Variants in DPYD observed in about 807,000 individuals in gnomAD.
DPYD encodes the protein dihydropyrimidine dehydrogenase.
A neutral mutation model predicts 116.2 loss-of-function variants in DPYD; 109 were observed. The observed-to-expected ratio is 0.94, with a 90% confidence interval of 0.80 to 1.10. DPYD has a LOEUF of 1.10. Ranked by LOEUF, DPYD falls within the 50% of genes least tolerant of loss-of-function variation. DPYD has a pLI of 0.00. For missense variants in DPYD, 1,302 were observed against 1,254.5 expected (o/e 1.04, Z -0.57); for synonymous variants, 440 against 432.0 (o/e 1.02, Z -0.23).
At chr1:97,487,838 T>C (rs965790706) in intron 13 of DPYD, among the ~76,000 whole-genome samples, 4 of 152,230 alleles carry the variant, frequency 2.6e-5, no homozygotes, top group African/African-American at 7.2e-5. Flanking sequence ...TATAAAATGT[T>C]ACAGCCATTC....
intron 3 of DPYD, among the ~76,000 whole-genome samples, chr1:97,827,461 T>C (rs1571425671): frequency 6.6e-6 from 1 of 152,074 alleles, no homozygotes; most frequent in African/African-American, 2.4e-5. Flanking sequence ...ATAAAAAGCC[T>C]TTCTTGATTC....
chr1:97,920,773 C>G (rs1674476723), intron 1 of DPYD, 111 bp downstream of exon 1: 2 of 1,441,562 alleles, frequency 1.4e-6, no homozygotes, highest in Non-Finnish European at 9.5e-7. Context: ...GAAACTTTCC[C>G]GCGTCTCTCA....
At chr1:97,333,356 T>G (rs1388913800) in intron 16 of DPYD, among the ~76,000 whole-genome samples, 1 of 152,060 alleles carries the variant, frequency 6.6e-6, no homozygotes, top group Non-Finnish European at 1.5e-5. Flanking sequence ...ACATTCGGTC[T>G]ATTCCTGTAG....
At chr1:97,206,638 T>TTATATATATGTGTATATATA (rs1553233563) in intron 19 of DPYD, among the ~76,000 whole-genome samples, 1 of 48,982 alleles carries the variant, frequency 2.0e-5, no homozygotes, top group African/African-American at 4.3e-5. Flanking sequence ...CAGGGAGATT[T>TTATATATATGTGTATATATA]TATATATATA....
intron 2 of DPYD, among the ~76,000 whole-genome samples, chr1:97,844,505 T>C (rs1670194023): frequency 6.6e-6 from 1 of 152,060 alleles, no homozygotes. Flanking sequence ...ATGTAACCCT[T>C]ATAAAAACAA....
rs547460228 is a variant in DPYD, at chr1:97,622,407, A to C, written c.851-27241T>G. ...ATTCTAAAAAAATACTTGACTAGTA[A>C]TCCTCACAGCTGTCAAGGTCATCAA... is the stretch of plus-strand genomic sequence containing the variant. On this transcript the variant is annotated intron_variant, in intron 8 of 22. Transcript: ENST00000370192. 3.9e-5 allele frequency among the ~76,000 whole-genome samples: 6 copies of C among 152,110 alleles called. No homozygotes were observed. In the East Asian group the frequency reaches 1.2e-3, roughly 29 times the overall value.
At chr1:97,405,251 TA>T (rs1673594165) in intron 14 of DPYD, among the ~76,000 whole-genome samples, 1 of 152,112 alleles carries the variant, frequency 6.6e-6, no homozygotes, top group Non-Finnish European at 1.5e-5. Flanking sequence ...TAAACATTTT[TA>T]TTTTACCTTA....
At chr1:97,825,715 T>C (rs1669202615) in intron 3 of DPYD, among the ~76,000 whole-genome samples, 1 of 151,750 alleles carries the variant, frequency 6.6e-6, no homozygotes, top group African/African-American at 2.4e-5. Context: ...GGCGCATGTA[T>C]ACATATGTAA....
At chr1:97,679,040 C>A (rs568358531) in intron 8 of DPYD, 55 bp downstream of exon 8, 1 of 850,962 alleles carries the variant, frequency 1.2e-6, no homozygotes, top group Non-Finnish European at 1.7e-6. Context: ...CTGGATATTG[C>A]TAGGAAATAA....
intron 12 of DPYD, among the ~76,000 whole-genome samples, chr1:97,535,901 T>C (rs1202674226): frequency 1.3e-5 from 2 of 152,186 alleles, no homozygotes; most frequent in Non-Finnish European, 2.9e-5. Context: ...AAGTATCTGA[T>C]GCATAATAAT....
At chr1:97,812,343 C>G (rs1275007585) in intron 3 of DPYD, among the ~76,000 whole-genome samples, 2 of 152,038 alleles carry the variant, frequency 1.3e-5, no homozygotes, top group East Asian at 1.9e-4. Flanking sequence ...AAAAGATTTG[C>G]CTCATATTGT....
intron 20 of DPYD, among the ~76,000 whole-genome samples, chr1:97,153,979 A>C (rs1655232549): frequency 6.6e-6 from 1 of 152,096 alleles, no homozygotes; most frequent in East Asian, 1.9e-4. Context: ...TGATCAAAAA[A>C]AAAAAAAAAA....
chr1:97,745,726 A>G (rs1664511732), intron 3 of DPYD, among the ~76,000 whole-genome samples: 1 of 152,110 alleles, frequency 6.6e-6, no homozygotes. Context: ...CACCTCATAG[A>G]TGAGGCTCCA....
chr1:97,483,825 G>A (rs578259147), intron 13 of DPYD, among the ~76,000 whole-genome samples: 24 of 151,856 alleles, frequency 1.6e-4, no homozygotes, highest in Non-Finnish European at 3.1e-4. Flanking sequence ...ACAGAAAGAA[G>A]GCCCTCACCA....
intron 8 of DPYD, among the ~76,000 whole-genome samples, chr1:97,633,169 T>C (rs1481714540): frequency 1.3e-5 from 2 of 152,108 alleles, no homozygotes; most frequent in African/African-American, 4.8e-5. Context: ...TTTATAAGAA[T>C]TTTGGGTCAA....
intron 16 of DPYD, among the ~76,000 whole-genome samples, chr1:97,317,060 T>G (rs1426617519): frequency 2.0e-5 from 3 of 151,972 alleles, no homozygotes; most frequent in Non-Finnish European, 4.4e-5. Flanking sequence ...CCTCCAAATC[T>G]TCTACATTAA....
At chr1:97,306,821 G>T (rs182004132) in intron 16 of DPYD, among the ~76,000 whole-genome samples, 7 of 151,984 alleles carry the variant, frequency 4.6e-5, no homozygotes, top group Admixed American at 3.9e-4. Flanking sequence ...TATAGTATAT[G>T]CAAATATGGA....
rs1248695039 is a variant in DPYD, at chr1:97,517,728, C to T, written c.1525-1787G>A. Among the ~76,000 whole-genome samples the T allele has an allele frequency of 3.3e-5, 5 of 152,072 alleles. No individual in the cohort carries two copies. In the East Asian group the frequency reaches 9.7e-4, roughly 29 times the overall value. ...ACTAAAGAAGAATTTCCTGACACTA[C>T]AGGTTGATTAATATCAGTAAAAGTA... On this transcript the variant is annotated intron_variant, in intron 12 of 22. Coordinates refer to ENST00000370192, the MANE Select transcript of DPYD (RefSeq NM_000110.4).
chr1:97,112,680 T>C (rs12076846), intron 20 of DPYD, among the ~76,000 whole-genome samples: 1,989 of 152,252 alleles, frequency 0.013, 48 homozygotes, highest in African/African-American at 0.045. Flanking sequence ...GTGATTTCCA[T>C]AGATTATCAT....
Sources: gnomAD v4.1 joint callset for allele counts (sites outside exome capture counted in the v4.1 genomes callset) on GRCh38, gnomAD v4.1.1 for gene constraint, MANE v1.5 for transcripts, NCBI Gene and HGNC (gene_info 2026-07-23, HGNC 2026-07-21) for gene names.